ACYP2: variants seen among roughly 807,000 people sequenced by gnomAD.
ACYP2 encodes acylphosphatase-2.
In ACYP2, 12 loss-of-function variants were observed where a neutral mutation model predicts 11.2. The ratio of observed to expected loss-of-function variants is 1.08; its 90% CI spans 0.69 to 1.74. The LOEUF is 1.74. Among genes scored for constraint, ACYP2 ranks in the 40% most tolerant of loss-of-function variants. The pLI is 0.00. For missense variants in ACYP2, 134 were observed against 101.9 expected, an observed-to-expected ratio of 1.31 and a Z score of -1.35; for synonymous variants, 43 against 32.2, an observed-to-expected ratio of 1.33 and a Z score of -1.13.
At chr2:53,994,354 GA>G (rs1158386089) in intron 2 of ACYP2, among the ~76,000 whole-genome samples, 1 of 102,982 alleles carries the variant, frequency 9.7e-6, no homozygotes, top group African/African-American at 3.8e-5. Flanking sequence ...AAAAAAAAAC[GA>G]AAAAAAACAA....
At chr2:54,057,948 G>A (rs905912647) in intron 4 of ACYP2, among the ~76,000 whole-genome samples, 1 of 152,054 alleles carries the variant, frequency 6.6e-6, no homozygotes, top group African/African-American at 2.4e-5. Flanking sequence ...ATGAACATTT[G>A]GAAAACAAAT....
At chr2:54,012,697 C>G (rs1482474399) in intron 2 of ACYP2, among the ~76,000 whole-genome samples, 1 of 152,170 alleles carries the variant, frequency 6.6e-6, no homozygotes, top group Non-Finnish European at 1.5e-5. Context: ...TCCATCATCT[C>G]TGTCTGGCGC....
At chr2:53,997,531 C>G (rs968866157) in intron 2 of ACYP2, among the ~76,000 whole-genome samples, 5 of 144,758 alleles carry the variant, frequency 3.5e-5, no homozygotes, top group Admixed American at 1.4e-4. Flanking sequence ...ATCTCGAACT[C>G]CTGACCTCAG....
intron 6 of ACYP2, 79 bp from the exon 4 acceptor site, chr2:54,304,609 A>C: frequency 3.2e-6 from 3 of 927,656 alleles, no homozygotes; most frequent in Non-Finnish European, 5.0e-6. Context: ...ACTCCCATTA[A>C]TACCTACTGT....
At chr2:54,062,334 C>T (rs979622083) in intron 4 of ACYP2, among the ~76,000 whole-genome samples, 5 of 152,182 alleles carry the variant, frequency 3.3e-5, no homozygotes, top group African/African-American at 1.2e-4. Context: ...CAATCATACA[C>T]CTGTTTTTAT....
chr2:54,295,391 A>G (rs1017709484), intron 6 of ACYP2, among the ~76,000 whole-genome samples: 1 of 152,202 alleles, frequency 6.6e-6, no homozygotes, highest in Admixed American at 6.5e-5. Context: ...GAGTTTCTGT[A>G]ATAAGAGCAA....
At chr2:54,186,440 C>T (rs543309428) in intron 6 of ACYP2, among the ~76,000 whole-genome samples, 20 of 152,184 alleles carry the variant, frequency 1.3e-4, no homozygotes, top group African/African-American at 4.6e-4. Context: ...CCTATAATTA[C>T]ACGTATAGAA....
intron 6 of ACYP2, among the ~76,000 whole-genome samples, chr2:54,288,630 C>G (rs1260375950): frequency 3.3e-5 from 5 of 151,992 alleles, no homozygotes; most frequent in Non-Finnish European, 7.3e-5. Context: ...CCTAGGAAAT[C>G]AGGTGTTTGT....
chr2:54,029,459 A>G (rs1674469255), intron 2 of ACYP2: 2 of 297,672 alleles, frequency 6.7e-6, no homozygotes, highest in Non-Finnish European at 1.3e-5. Flanking sequence ...ATATGTACAC[A>G]CACATATATG....
chr2:53,990,125 T>C (rs930720384), intron 2 of ACYP2, among the ~76,000 whole-genome samples: 2 of 151,534 alleles, frequency 1.3e-5, no homozygotes, highest in African/African-American at 4.8e-5. Context: ...TCTACAGGCA[T>C]GCACCACTAC....
chr2:54,267,474 G>T, intron 6 of ACYP2: 5 of 951,344 alleles, frequency 5.3e-6, no homozygotes, highest in Non-Finnish European at 7.5e-6. Flanking sequence ...TGGTCCTAAA[G>T]CCTCCCTAGA....
At chr2:54,019,162 G>T (rs1171217896) in intron 2 of ACYP2, among the ~76,000 whole-genome samples, 4 of 151,790 alleles carry the variant, frequency 2.6e-5, no homozygotes. Context: ...AACCTCCTGG[G>T]CTCAAGCAAT....
At chr2:54,293,365 C>G (rs1425484545) in intron 6 of ACYP2, among the ~76,000 whole-genome samples, 3 of 152,238 alleles carry the variant, frequency 2.0e-5, no homozygotes, top group Non-Finnish European at 4.4e-5. Flanking sequence ...CTCACTTGTT[C>G]TGCCTTCTCT....
At chr2:54,109,473 G>A (rs1350783058) in intron 4 of ACYP2, among the ~76,000 whole-genome samples, 4 of 152,086 alleles carry the variant, frequency 2.6e-5, no homozygotes, top group African/African-American at 9.7e-5. Context: ...CACTGCTTGA[G>A]GGATGGGTGC....
chr2:54,255,909 A>T (rs747812434), intron 6 of ACYP2: 8 of 1,614,062 alleles, frequency 5.0e-6, no homozygotes, highest in Non-Finnish European at 5.9e-6. Flanking sequence ...TGATGGCTCC[A>T]TGACTGCGAC....
At chr2:54,238,183 T>C (rs367731926) in intron 6 of ACYP2, among the ~76,000 whole-genome samples, 2 of 152,228 alleles carry the variant, frequency 1.3e-5, no homozygotes, top group African/African-American at 4.8e-5. Flanking sequence ...TCTAACTCTT[T>C]ACCTGGTTTT....
At chr2:54,023,043 C>T (rs1277479895) in intron 2 of ACYP2, among the ~76,000 whole-genome samples, 2 of 152,154 alleles carry the variant, frequency 1.3e-5, no homozygotes, top group Non-Finnish European at 2.9e-5. Flanking sequence ...ATTCTTTTCT[C>T]TTGTTAATCT....
chr2:54,261,337 A>G (rs1687767458), intron 6 of ACYP2, among the ~76,000 whole-genome samples: 1 of 152,180 alleles, frequency 6.6e-6, no homozygotes, highest in Non-Finnish European at 1.5e-5. Flanking sequence ...AGCTATATAA[A>G]ATCTCTGAAA....
At chr2:54,260,123 A>G (rs1337595652) in intron 6 of ACYP2, among the ~76,000 whole-genome samples, 1 of 152,194 alleles carries the variant, frequency 6.6e-6, no homozygotes, top group Non-Finnish European at 1.5e-5. Flanking sequence ...CTTTAGGAGC[A>G]TGGCAAGTTC....
Sources: gnomAD v4.1 joint callset for allele counts (sites outside exome capture counted in the v4.1 genomes callset) on GRCh38, gnomAD v4.1.1 for gene constraint, MANE v1.5 for transcripts, NCBI Gene and HGNC (gene_info 2026-07-23, HGNC 2026-07-21) for gene names.